PPARGC1A: variants seen among roughly 807,000 people sequenced by gnomAD.
PPARGC1A encodes peroxisome proliferator-activated receptor gamma coactivator 1-alpha.
Under a neutral mutation model 88.7 loss-of-function variants are expected in PPARGC1A, and 25 were observed. The ratio of observed to expected loss-of-function variants is 0.28; its 90% CI spans 0.21 to 0.39. The LOEUF (loss-of-function observed/expected upper bound fraction) is 0.39. Ranked by LOEUF, PPARGC1A falls within the 10% of genes least tolerant of loss-of-function variation. PPARGC1A has a pLI of 1.00. For missense variants in PPARGC1A, 880 were observed against 968.7 expected (o/e 0.91, Z 1.22); for synonymous variants, 363 against 355.6 (o/e 1.02, Z -0.24).
the PPARGC1A span, among the ~76,000 whole-genome samples, chr4:24,261,415 C>T: frequency 3.9e-5 from 6 of 152,180 alleles, no homozygotes; most frequent in East Asian, 3.9e-4. Context: ...CCTCCTCCTG[C>T]GTCATCTGGT....
chr4:24,111,861 T>C, the PPARGC1A span, among the ~76,000 whole-genome samples: 2 of 152,186 alleles, frequency 1.3e-5, no homozygotes, highest in East Asian at 3.9e-4. Flanking sequence ...CACACATATA[T>C]AGCTCTGAAG....
intron 12 of PPARGC1A, among the ~76,000 whole-genome samples, chr4:23,796,170 C>A (rs530034140): frequency 6.6e-6 from 1 of 152,164 alleles, no homozygotes; most frequent in South Asian, 2.1e-4. Flanking sequence ...GCAGAGCACA[C>A]GTTAATATAT....
chr4:23,963,869 G>A, the PPARGC1A span, among the ~76,000 whole-genome samples: 1 of 152,140 alleles, frequency 6.6e-6, no homozygotes. Context: ...GATCGGCCAG[G>A]GAGGAAATTT....
intron 1 of PPARGC1A, among the ~76,000 whole-genome samples, chr4:23,897,741 T>A (rs1293482334): frequency 6.6e-6 from 1 of 152,204 alleles, no homozygotes; most frequent in Non-Finnish European, 1.5e-5. Context: ...ACTAGAGAAC[T>A]TGTGAAATAT....
chr4:24,192,254 C>A, the PPARGC1A span, among the ~76,000 whole-genome samples: 5 of 152,160 alleles, frequency 3.3e-5, no homozygotes, highest in Non-Finnish European at 7.3e-5. Flanking sequence ...TTTGGGCCTC[C>A]CTGAACGTCC....
the PPARGC1A span, among the ~76,000 whole-genome samples, chr4:24,428,920 T>C: frequency 6.6e-6 from 1 of 152,168 alleles, no homozygotes; most frequent in African/African-American, 2.4e-5. Flanking sequence ...ACAGTTGACA[T>C]TGGACCCAGT....
chr4:24,312,042 C>T, the PPARGC1A span, among the ~76,000 whole-genome samples: 13 of 152,186 alleles, frequency 8.5e-5, no homozygotes, highest in Admixed American at 7.8e-4. Flanking sequence ...ACTCGTCTCC[C>T]GCTTTGCACA....
the PPARGC1A span, among the ~76,000 whole-genome samples, chr4:24,058,623 C>A: frequency 2.0e-5 from 3 of 152,094 alleles, no homozygotes; most frequent in Non-Finnish European, 4.4e-5. Flanking sequence ...GAGTGAAAAA[C>A]GTGGCTGAGA....
chr4:24,193,985 C>T, the PPARGC1A span, among the ~76,000 whole-genome samples: 2 of 152,082 alleles, frequency 1.3e-5, no homozygotes, highest in African/African-American at 2.4e-5. Flanking sequence ...AAAAATTAGC[C>T]AGGCTTGGTG....
rs1029685530 is a variant in PPARGC1A at position 23,878,366 on chromosome 4, G to A, written c.234+6386C>T. On this transcript the variant is annotated intron_variant, in intron 2 of 12. Coordinates refer to ENST00000264867, the MANE Select transcript of PPARGC1A (RefSeq NM_013261.5). ...ACGTCCATAAAAAAAAAAAAAAAAA[G>A]CAGCCAATTTCATCTCTCCTAGCCA... Among the ~76,000 whole-genome samples, 49 of 138,010 alleles carry A rather than the reference G, an allele frequency of 3.6e-4. No homozygotes were observed. The South Asian group carries it at 3.7e-3, about 10-fold the overall frequency. 90.5% of individuals were successfully genotyped at this position (138,010 alleles called of 152,430 possible). A position where few individuals can be genotyped will look rare whatever the true frequency, so the allele number is the denominator to read the frequency against.
the PPARGC1A span, among the ~76,000 whole-genome samples, chr4:24,016,112 T>A: frequency 6.6e-6 from 1 of 152,208 alleles, no homozygotes; most frequent in African/African-American, 2.4e-5. Context: ...AGAATTCCAA[T>A]TGTTTAAGCA....
chr4:24,229,407 C>T, the PPARGC1A span, among the ~76,000 whole-genome samples: 4 of 150,556 alleles, frequency 2.7e-5, no homozygotes, highest in Non-Finnish European at 5.9e-5. Context: ...CCTCGGCCTC[C>T]CAAAGTGCTG....
chr4:23,877,612 T>C (rs1238899749), intron 2 of PPARGC1A: 5 of 150,144 alleles, frequency 3.3e-5, no homozygotes, highest in Non-Finnish European at 7.4e-5. Context: ...AAATGGCCCT[T>C]ACTGAAATTG....
chr4:24,159,206 CTTTTTTT>C, the PPARGC1A span, among the ~76,000 whole-genome samples: 1 of 109,854 alleles, frequency 9.1e-6, no homozygotes, highest in Admixed American at 9.7e-5. Context: ...GGAAATTAAC[CTTTTTTT>C]TTTTTTTTTT....
chr4:24,038,220 G>A, the PPARGC1A span, among the ~76,000 whole-genome samples: 24 of 152,284 alleles, frequency 1.6e-4, no homozygotes, highest in African/African-American at 5.5e-4. Context: ...GCTTTGCTTC[G>A]CATAACTCTG....
chr4:23,982,037 G>A, the PPARGC1A span, among the ~76,000 whole-genome samples: 3 of 152,084 alleles, frequency 2.0e-5, no homozygotes, highest in African/African-American at 4.8e-5. Context: ...CACACATCAA[G>A]AAAATGACAC....
the PPARGC1A span, among the ~76,000 whole-genome samples, chr4:24,440,135 T>C: frequency 2.6e-5 from 4 of 152,352 alleles, no homozygotes; most frequent in African/African-American, 7.2e-5. Flanking sequence ...AGAAGGTCTA[T>C]GTATTGTTGT....
At chr4:24,073,879 T>A in the PPARGC1A span, among the ~76,000 whole-genome samples, 1 of 152,190 alleles carries the variant, frequency 6.6e-6, no homozygotes, top group Middle Eastern at 3.4e-3. Flanking sequence ...GTGTGTGAAA[T>A]GTGAGCATGT....
chr4:23,867,538 A>G (rs1360555518), intron 2 of PPARGC1A, among the ~76,000 whole-genome samples: 4 of 152,238 alleles, frequency 2.6e-5, no homozygotes, highest in Admixed American at 2.6e-4. Flanking sequence ...AGCTTTTGCT[A>G]AAATAGCAGT....
Sources: allele counts gnomAD v4.1 joint callset (sites outside exome capture counted in the v4.1 genomes callset), GRCh38; gene constraint gnomAD v4.1.1; transcripts MANE v1.5; gene names NCBI Gene and HGNC (gene_info 2026-07-23, HGNC 2026-07-21).